PREX1: variants seen among roughly 807,000 people sequenced by gnomAD.
PREX1 encodes the protein phosphatidylinositol-3,4,5-trisphosphate dependent Rac exchange factor 1.
PREX1 carries 41 observed loss-of-function variants against 198.3 expected under a neutral mutation model. The ratio of observed to expected loss-of-function variants is 0.21; its 90% CI spans 0.16 to 0.27. PREX1 has a LOEUF of 0.27. Ranked by LOEUF, PREX1 falls within the 10% of genes least tolerant of loss-of-function variation. The pLI is 1.00. For synonymous variants in PREX1, 843 were observed against 887.2 expected (o/e 0.95, Z 0.89); for missense variants, 1,620 against 2,200.7 (o/e 0.74, Z 5.28).
chr20:48,637,749 C>G lies in PREX1; in HGVS notation c.3908G>C (p.Gly1303Ala). ...VDNIQRYVED[G>A]KNQLLLALLK... ...CAAGGCCAGGAGCAGCTGGTTCTTC[C>G]CATCTGGAAGGAGAAGGGAGACAGA... The change falls in exon 31 of 40, where the codon GGG becomes GCG. Residue 1303 changes from glycine to alanine, a missense_variant. By Grantham distance (60) the Gly-to-Ala change is moderately conservative. This residue lies in a region of PREX1 where 476 missense variants were observed against 603.4 expected (regional missense o/e 0.79). Coordinates refer to ENST00000371941, the MANE Select transcript of PREX1 (RefSeq NM_020820.4). The G allele has an allele frequency of 6.2e-7, 1 of 1,612,252 alleles. No homozygotes were observed. The highest frequency in any genetic ancestry group is 1.1e-5 in the South Asian group (1 of 90,594).
At chr20:48,874,346 C>T in the PREX1 span, among the ~76,000 whole-genome samples, 16 of 149,840 alleles carry the variant, frequency 1.1e-4, no homozygotes, top group South Asian at 3.4e-3. Flanking sequence ...TACATTTATC[C>T]TTTGGGACCA....
chr20:48,785,445 T>A (rs1379884341), intron 1 of PREX1, among the ~76,000 whole-genome samples: 1 of 152,208 alleles, frequency 6.6e-6, no homozygotes, highest in Non-Finnish European at 1.5e-5. Flanking sequence ...TCCACTGCCA[T>A]CCATTCTGCT....
intron 2 of PREX1, among the ~76,000 whole-genome samples, chr20:48,747,176 T>C (rs985832270): frequency 2.6e-5 from 4 of 152,214 alleles, no homozygotes; most frequent in African/African-American, 9.6e-5. Context: ...CCGAGTCCTT[T>C]GTGTGCTGTA....
intron 1 of PREX1, among the ~76,000 whole-genome samples, chr20:48,786,314 G>A (rs1463919673): frequency 6.6e-6 from 1 of 152,132 alleles, no homozygotes. Flanking sequence ...TAAAGGGCTA[G>A]GCAAACCTAC....
intron 1 of PREX1, among the ~76,000 whole-genome samples, chr20:48,762,929 C>T (rs535973269): frequency 2.0e-5 from 3 of 152,176 alleles, no homozygotes; most frequent in Non-Finnish European, 2.9e-5. Context: ...TCTCAAACTA[C>T]GGACCTCAGG....
chr20:48,812,604 T>C (rs1488932410), intron 1 of PREX1, among the ~76,000 whole-genome samples: 1 of 152,172 alleles, frequency 6.6e-6, no homozygotes, highest in African/African-American at 2.4e-5. Context: ...TATGGAATGC[T>C]TACTATGTAC....
At chr20:48,793,015 G>A (rs1456074266) in intron 1 of PREX1, among the ~76,000 whole-genome samples, 1 of 152,036 alleles carries the variant, frequency 6.6e-6, no homozygotes, top group East Asian at 1.9e-4. Context: ...GACCAGCCTG[G>A]CCAACATTGC....
chr20:48,712,452 C>A (rs2089936269), intron 5 of PREX1, among the ~76,000 whole-genome samples: 1 of 152,218 alleles, frequency 6.6e-6, no homozygotes, highest in Non-Finnish European at 1.5e-5. Flanking sequence ...GTCCATGGCA[C>A]CCCTCTGATG....
chr20:48,829,851 C>T (rs778187007), upstream of PREX1, among the ~76,000 whole-genome samples: 3 of 152,132 alleles, frequency 2.0e-5, no homozygotes, highest in African/African-American at 7.2e-5. Flanking sequence ...GGCCAAGACA[C>T]GTTATTTCTC....
At chr20:48,876,677 C>T in the PREX1 span, among the ~76,000 whole-genome samples, 2 of 152,068 alleles carry the variant, frequency 1.3e-5, no homozygotes, top group African/African-American at 4.8e-5. Flanking sequence ...TCCATTATGG[C>T]CTAAATATTC....
intron 7 of PREX1, among the ~76,000 whole-genome samples, chr20:48,700,134 A>C (rs2089866388): frequency 6.6e-6 from 1 of 152,282 alleles, no homozygotes; most frequent in African/African-American, 2.4e-5. Context: ...AAGAAGCACC[A>C]GTGAAAGACA....
intron 4 of PREX1, among the ~76,000 whole-genome samples, chr20:48,729,866 A>T (rs971443379): frequency 6.6e-6 from 1 of 152,118 alleles, no homozygotes; most frequent in African/African-American, 2.4e-5. Flanking sequence ...ATCTTTACAG[A>T]TGTATGGTAA....
At chr20:48,880,365 T>G in the PREX1 span, among the ~76,000 whole-genome samples, 1 of 152,186 alleles carries the variant, frequency 6.6e-6, no homozygotes, top group Non-Finnish European at 1.5e-5. Flanking sequence ...ACACCACAGA[T>G]GTTTATTTTT....
At chr20:48,754,379 CAGTG>C (rs10573585) in intron 1 of PREX1, among the ~76,000 whole-genome samples, 2,180 of 152,272 alleles carry the variant, frequency 0.014, 49 homozygotes, top group African/African-American at 0.05. Flanking sequence ...CACGCGCCAT[CAGTG>C]AGTGACTGTG....
intron 5 of PREX1, among the ~76,000 whole-genome samples, chr20:48,717,233 G>A (rs748570054): frequency 6.6e-6 from 1 of 150,726 alleles, no homozygotes; most frequent in African/African-American, 2.4e-5. Context: ...AAGAGAAAAA[G>A]GCAGGAGGGT....
intron 11 of PREX1, 148 bp from the exon 12 acceptor site, chr20:48,679,902 C>CTT (rs891846514): frequency 6.1e-6 from 4 of 653,804 alleles, no homozygotes; most frequent in African/African-American, 3.6e-5. Context: ...GCTGGCCAGG[C>CTT]TTTTTTTTCA....
chr20:48,661,134 C>T (rs941143590), intron 15 of PREX1, among the ~76,000 whole-genome samples: 13 of 152,138 alleles, frequency 8.5e-5, no homozygotes, highest in East Asian at 5.8e-4. Flanking sequence ...AATATACTGA[C>T]GCCGGCCAGA....
chr20:48,830,636 T>A (rs1486010592), upstream of PREX1, among the ~76,000 whole-genome samples: 1 of 152,250 alleles, frequency 6.6e-6, no homozygotes. Context: ...CCCCAATGTT[T>A]TATACATCGT....
chr20:48,776,309 C>T (rs1284786031), intron 1 of PREX1, among the ~76,000 whole-genome samples: 1 of 152,184 alleles, frequency 6.6e-6, no homozygotes, highest in Non-Finnish European at 1.5e-5. Context: ...CAACAGCCTC[C>T]CAGGTTCTAA....
Sources: gnomAD v4.1 joint callset for allele counts (sites outside exome capture counted in the v4.1 genomes callset) on GRCh38, gnomAD v4.1.1 for gene constraint, gnomAD v4.1.1 regional missense constraint, MANE v1.5 for transcripts, NCBI Gene and HGNC (gene_info 2026-07-23, HGNC 2026-07-21) for gene names.